The following ARSB variants were observed in gnomAD, a reference collection of about 807,000 sequenced individuals.
The protein encoded by ARSB is arylsulfatase B.
ARSB carries 41 observed loss-of-function variants against 50.9 expected under a neutral mutation model. The observed-to-expected ratio is 0.81, with a 90% CI of 0.63 to 1.04. The LOEUF is 1.04. Among genes scored for constraint, ARSB ranks in the 50% least tolerant of loss-of-function variants. The pLI is 0.00. For synonymous variants in ARSB, 269 were observed against 284.8 expected (o/e 0.94, Z 0.56); for missense variants, 672 against 693.3 (o/e 0.97, Z 0.35).
At chr5:78,858,503 C>G (rs750667019) in intron 5 of ARSB, among the ~76,000 whole-genome samples, 3 of 152,092 alleles carry the variant, frequency 2.0e-5, no homozygotes, top group Non-Finnish European at 4.4e-5. Flanking sequence ...AAATAGTTTC[C>G]AGTTTTTGAT....
At chr5:78,842,564 A>G (rs1226100552) in intron 5 of ARSB, among the ~76,000 whole-genome samples, 2 of 152,176 alleles carry the variant, frequency 1.3e-5, no homozygotes, top group Non-Finnish European at 2.9e-5. Flanking sequence ...GTTCACCACC[A>G]TATTAATAAA....
At chr5:78,907,666 C>T (rs1217404815) in intron 4 of ARSB, among the ~76,000 whole-genome samples, 2 of 152,152 alleles carry the variant, frequency 1.3e-5, no homozygotes, top group Non-Finnish European at 2.9e-5. Context: ...GAAGGCTTTG[C>T]GTGGACTGCT....
intron 6 of ARSB, among the ~76,000 whole-genome samples, chr5:78,788,224 C>G (rs555735464): frequency 6.6e-6 from 1 of 152,160 alleles, no homozygotes; most frequent in Non-Finnish European, 1.5e-5. Flanking sequence ...AAATATTCAG[C>G]TATAAGATGG....
At chr5:78,894,277 T>C (rs1045265377) in intron 4 of ARSB, among the ~76,000 whole-genome samples, 4 of 152,350 alleles carry the variant, frequency 2.6e-5, no homozygotes, top group South Asian at 2.1e-4. Flanking sequence ...TTTTCAGAGA[T>C]GGTTAAGCCA....
At chr5:78,882,832 G>A (rs1747824489) in intron 5 of ARSB, 1 of 133,136 alleles carries the variant, frequency 7.5e-6, no homozygotes, top group South Asian at 2.5e-4. Context: ...CGCCGAGGCT[G>A]GAGTGCAGTG....
At chr5:78,889,120 T>C (rs58075284) in intron 4 of ARSB, among the ~76,000 whole-genome samples, 5,537 of 152,298 alleles carry the variant, frequency 0.036, 335 homozygotes, top group African/African-American at 0.12. Context: ...TGGTTAACTA[T>C]ATGAGAAATA....
chr5:78,891,162 G>A (rs978614886), intron 4 of ARSB, among the ~76,000 whole-genome samples: 1 of 152,330 alleles, frequency 6.6e-6, no homozygotes, highest in East Asian at 1.9e-4. Context: ...ACCGAAAATA[G>A]AGGTTAAAGG....
intron 4 of ARSB, among the ~76,000 whole-genome samples, chr5:78,927,120 T>C (rs913380598): frequency 6.6e-6 from 1 of 152,202 alleles, no homozygotes; most frequent in African/African-American, 2.4e-5. Context: ...TGGGCTCAAG[T>C]GATCAAGTTC....
intron 5 of ARSB, among the ~76,000 whole-genome samples, chr5:78,844,957 T>C (rs1745379427): frequency 6.6e-6 from 1 of 152,136 alleles, no homozygotes; most frequent in African/African-American, 2.4e-5. Flanking sequence ...CACCCTATAG[T>C]GCTATAGAGC....
At chr5:78,927,516 A>T (rs1362570006) in intron 4 of ARSB, among the ~76,000 whole-genome samples, 3 of 152,206 alleles carry the variant, frequency 2.0e-5, no homozygotes, top group Non-Finnish European at 4.4e-5. Context: ...TAAAAACACT[A>T]TCTATAACAC....
intron 1 of ARSB, among the ~76,000 whole-genome samples, chr5:78,976,462 C>T (rs1752676511): frequency 6.6e-6 from 1 of 151,868 alleles, no homozygotes; most frequent in African/African-American, 2.4e-5. Context: ...ACTACAGGCG[C>T]TTACCACCAC....
chr5:78,983,814 T>C (rs957758741), intron 1 of ARSB, among the ~76,000 whole-genome samples: 2 of 152,228 alleles, frequency 1.3e-5, no homozygotes, highest in Non-Finnish European at 1.5e-5. Context: ...AGGCTAGGGT[T>C]GATCTGACAG....
chr5:78,808,069 GGC>G (rs1743640807), intron 6 of ARSB, among the ~76,000 whole-genome samples: 1 of 133,600 alleles, frequency 7.5e-6, no homozygotes, highest in Non-Finnish European at 1.6e-5. Flanking sequence ...CTCCAGCCTG[GGC>G]GACAGAGCGA....
rs1747980010 is a variant in ARSB, at chr5:78,885,578, A to T, written c.1142+6T>A. 6.2e-7 allele frequency: 1 copy of T among 1,613,090 alleles called. No individual in the cohort carries two copies. Among genetic ancestry groups the T allele is most frequent in the Non-Finnish European group, 8.5e-7 (1 of 1,179,996 alleles). On this transcript the variant is annotated splice_donor_region_variant and intron_variant, in intron 5 of 7. Coordinates refer to ENST00000264914, the MANE Select transcript of ARSB (RefSeq NM_000046.5). Reference sequence around the variant, plus strand: ...CCTGGGAGGAAAAAGGGCAGGGTGTAGGTACCTGATGGTTTTCCACACGTC... The same window carrying T: ...CCTGGGAGGAAAAAGGGCAGGGTGTTGGTACCTGATGGTTTTCCACACGTC...
intron 5 of ARSB, among the ~76,000 whole-genome samples, chr5:78,855,053 C>G (rs1329774428): frequency 3.9e-5 from 6 of 152,166 alleles, no homozygotes; most frequent in African/African-American, 7.2e-5. Flanking sequence ...GCTCAGACTT[C>G]AGGAGGCTAG....
chr5:78,819,053 T>C (rs1418658898), intron 6 of ARSB, among the ~76,000 whole-genome samples: 1 of 152,148 alleles, frequency 6.6e-6, no homozygotes, highest in East Asian at 1.9e-4. Context: ...TGGAGTTAGA[T>C]TTATAGTTGA....
At chr5:78,792,097 T>G (rs1335506579) in intron 6 of ARSB, among the ~76,000 whole-genome samples, 1 of 152,020 alleles carries the variant, frequency 6.6e-6, no homozygotes, top group Admixed American at 6.5e-5. Flanking sequence ...TTCAGAAAGT[T>G]TACAGGCATG....
chr5:78,800,187 G>A (rs1417924204), intron 6 of ARSB, among the ~76,000 whole-genome samples: 1 of 152,014 alleles, frequency 6.6e-6, no homozygotes, highest in Non-Finnish European at 1.5e-5. Context: ...GCGTGGTGGT[G>A]TGCACCTGTA....
intron 1 of ARSB, among the ~76,000 whole-genome samples, chr5:78,971,140 G>A (rs181796784): frequency 2.8e-4 from 43 of 152,276 alleles, no homozygotes; most frequent in East Asian, 1.4e-3. Context: ...CAAAAGGCCC[G>A]CCCAGAACCC....
Sources: gnomAD v4.1 joint callset for allele counts (sites outside exome capture counted in the v4.1 genomes callset) on GRCh38, gnomAD v4.1.1 for gene constraint, MANE v1.5 for transcripts, NCBI Gene and HGNC (gene_info 2026-07-23, HGNC 2026-07-21) for gene names.